The following MAF variants were observed in gnomAD, a reference collection of about 807,000 sequenced individuals.
The protein encoded by MAF is MAF bZIP transcription factor.
MAF carries 10 observed loss-of-function variants against 22.0 expected under a neutral mutation model. That is an observed-to-expected ratio of 0.45 (90% CI 0.28 to 0.77). MAF has a LOEUF of 0.77. Ranked by LOEUF, MAF falls within the 30% of genes least tolerant of loss-of-function variation. The pLI is 0.12. For missense variants in MAF, 544 were observed against 548.4 expected, an observed-to-expected ratio of 0.99 and a Z score of 0.08; for synonymous variants, 337 against 255.8, an observed-to-expected ratio of 1.32 and a Z score of -3.03.
At chr16:79,353,090 A>C in the MAF span, among the ~76,000 whole-genome samples, 2 of 152,024 alleles carry the variant, frequency 1.3e-5, no homozygotes, top group Admixed American at 1.3e-4. Flanking sequence ...TACAAAAAAA[A>C]ATGAAATTTA....
the MAF span, among the ~76,000 whole-genome samples, chr16:79,306,648 T>A: frequency 6.6e-6 from 1 of 152,334 alleles, no homozygotes; most frequent in African/African-American, 2.4e-5. Context: ...CTGGTCACAC[T>A]CTAAGTGCTC....
chr16:79,290,066 AG>A, the MAF span, among the ~76,000 whole-genome samples: 3 of 152,030 alleles, frequency 2.0e-5, no homozygotes, highest in Admixed American at 2.0e-4. Flanking sequence ...CATGTTGGCC[AG>A]GCACTGGTCT....
At chr16:79,316,022 A>T in the MAF span, among the ~76,000 whole-genome samples, 113,280 of 152,150 alleles carry the variant, frequency 0.74, 43,123 homozygotes, top group East Asian at 0.99. Context: ...AGACCAGCTC[A>T]TGCTTGTGAC....
the MAF span, among the ~76,000 whole-genome samples, chr16:79,384,566 G>C: frequency 6.6e-6 from 1 of 151,840 alleles, no homozygotes; most frequent in African/African-American, 2.4e-5. Context: ...GACCATCCTG[G>C]CTAACACGGT....
chr16:79,314,079 A>G, the MAF span, among the ~76,000 whole-genome samples: 7 of 152,302 alleles, frequency 4.6e-5, no homozygotes, highest in Middle Eastern at 3.4e-3. Flanking sequence ...ACATTTTAAC[A>G]TTCCTAAAAC....
chr16:79,423,540 T>C, the MAF span, among the ~76,000 whole-genome samples: 1 of 152,204 alleles, frequency 6.6e-6, no homozygotes, highest in African/African-American at 2.4e-5. Flanking sequence ...GGGCCATTTG[T>C]TTTTGTAAAT....
chr16:79,203,378 T>C, the MAF span: 3 of 152,196 alleles, frequency 2.0e-5, no homozygotes, highest in Admixed American at 6.5e-5. Context: ...GGGCTGGACA[T>C]TGGGGGCCTA....
the MAF span, among the ~76,000 whole-genome samples, chr16:79,285,337 G>A: frequency 2.2e-4 from 33 of 152,250 alleles, no homozygotes; most frequent in African/African-American, 7.2e-4. Context: ...TCCATTCTGG[G>A]CACTGTTTAG....
At chr16:79,276,280 C>A in the MAF span, among the ~76,000 whole-genome samples, 1 of 152,168 alleles carries the variant, frequency 6.6e-6, no homozygotes, top group East Asian at 1.9e-4. Context: ...GGCCCCTGAC[C>A]CTTTAGACTG....
intron 1 of MAF, chr16:79,598,294 C>A: frequency 9.3e-7 from 1 of 1,078,780 alleles, no homozygotes; most frequent in Non-Finnish European, 1.1e-6. Context: ...AAATAAAACA[C>A]ACACACACAC....
At chr16:79,485,030 T>C in the MAF span, among the ~76,000 whole-genome samples, 3 of 152,222 alleles carry the variant, frequency 2.0e-5, no homozygotes, top group Middle Eastern at 3.2e-3. Context: ...ATGGACATCA[T>C]GCTTCTTGGC....
chr16:79,430,393 G>C, the MAF span, among the ~76,000 whole-genome samples: 2 of 152,082 alleles, frequency 1.3e-5, no homozygotes. Context: ...TCAACACCTC[G>C]GACGCTTTTG....
the MAF span, among the ~76,000 whole-genome samples, chr16:79,259,563 G>A: frequency 1.3e-5 from 2 of 152,192 alleles, no homozygotes; most frequent in African/African-American, 2.4e-5. Flanking sequence ...TGCAGGGCAC[G>A]TAGTAGGTGC....
the MAF span, among the ~76,000 whole-genome samples, chr16:79,364,650 G>A: frequency 0.61 from 93,113 of 152,072 alleles, 30,158 homozygotes; most frequent in African/African-American, 0.81. Context: ...GTTTCGTGGT[G>A]TCAGTTTCCA....
chr16:79,517,517 C>G, the MAF span, among the ~76,000 whole-genome samples: 3 of 151,144 alleles, frequency 2.0e-5, no homozygotes, highest in African/African-American at 4.9e-5. Context: ...AGTTAACCCT[C>G]AAGTCTTGGA....
chr16:79,230,263 C>G, the MAF span, among the ~76,000 whole-genome samples: 1 of 152,118 alleles, frequency 6.6e-6, no homozygotes, highest in South Asian at 2.1e-4. Flanking sequence ...ATTCTGGGTT[C>G]TGACCTTTCA....
At chr16:79,578,444 C>T in the MAF span, among the ~76,000 whole-genome samples, 2 of 151,932 alleles carry the variant, frequency 1.3e-5, no homozygotes, top group Non-Finnish European at 2.9e-5. Flanking sequence ...TACTTTCACA[C>T]GATGTATCAT....
At chr16:79,208,939 A>G in the MAF span, among the ~76,000 whole-genome samples, 1 of 152,222 alleles carries the variant, frequency 6.6e-6, no homozygotes, top group East Asian at 1.9e-4. Flanking sequence ...GTGAGTACCC[A>G]TGAGCACCAA....
the MAF span, among the ~76,000 whole-genome samples, chr16:79,532,395 T>C: frequency 6.6e-6 from 1 of 152,000 alleles, no homozygotes; most frequent in Non-Finnish European, 1.5e-5. Context: ...TTTCACTACA[T>C]AAAAGAAAAA....
Sources: allele counts gnomAD v4.1 joint callset (sites outside exome capture counted in the v4.1 genomes callset), GRCh38; gene constraint gnomAD v4.1.1; transcripts MANE v1.5; gene names NCBI Gene and HGNC (gene_info 2026-07-23, HGNC 2026-07-21).